Variants in DYRK1A observed in about 807,000 individuals in gnomAD.
DYRK1A encodes dual specificity tyrosine phosphorylation regulated kinase 1A.
Under a neutral mutation model 79.7 loss-of-function variants are expected in DYRK1A, and 9 were observed. That is an observed-to-expected ratio of 0.11 (90% CI 0.07 to 0.20). The LOEUF (loss-of-function observed/expected upper bound fraction) is 0.20, where lower values mean the gene tolerates loss of function less well. DYRK1A is among the 10% of genes least tolerant of loss of function. DYRK1A has a pLI of 1.00. For synonymous variants in DYRK1A, 349 were observed against 329.7 expected (o/e 1.06, Z -0.63); for missense variants, 622 against 956.0 (o/e 0.65, Z 4.61).
intron 11 of DYRK1A, 82 bp from the exon 12 acceptor site, chr21:37,511,829 T>G (rs1354158146): frequency 6.8e-7 from 1 of 1,464,278 alleles, no homozygotes; most frequent in Non-Finnish European, 9.3e-7. Context: ...GATGCTAGTT[T>G]GTTAGTGTCA....
At chr21:37,506,414 G>A in intron 11 of DYRK1A, 191 bp downstream of exon 11, 1 of 1,491,956 alleles carries the variant, frequency 6.7e-7, no homozygotes, top group Non-Finnish European at 9.0e-7. Flanking sequence ...GTCTAGAAGT[G>A]GCTAACACTT....
At chr21:37,400,260 T>A (rs2050028746) in intron 1 of DYRK1A, among the ~76,000 whole-genome samples, 1 of 152,216 alleles carries the variant, frequency 6.6e-6, no homozygotes, top group Admixed American at 6.5e-5. Flanking sequence ...GGGCCCACCT[T>A]GATGATGAAG....
intron 1 of DYRK1A, among the ~76,000 whole-genome samples, chr21:37,387,235 C>A (rs1054044094): frequency 6.6e-6 from 1 of 152,150 alleles, no homozygotes; most frequent in Non-Finnish European, 1.5e-5. Context: ...AAGGTCGATG[C>A]CTATTTAACA....
In DYRK1A at chr21:37,512,534, A is replaced by G. The variant is rs1289087946; in HGVS notation, c.*3A>G. ...AGAGTCCTGTAGCTAGCTCGTGACT[A>G]CATTGAAACTTGAGTTTGTTTCTTG... On this transcript the variant is annotated 3_prime_UTR_variant, in exon 12 of 12. Transcript: ENST00000647188. 6.2e-7 allele frequency: 1 copy of G among 1,604,066 alleles called. No homozygotes were observed. Among genetic ancestry groups the G allele is most frequent in the Non-Finnish European group, 8.5e-7 (1 of 1,172,784 alleles).
intron 2 of DYRK1A, among the ~76,000 whole-genome samples, chr21:37,469,805 T>C (rs188576976): frequency 6.6e-6 from 1 of 152,282 alleles, no homozygotes; most frequent in African/African-American, 2.4e-5. Flanking sequence ...TCCTCCAATA[T>C]TGGGGATTAC....
At chr21:37,499,169 A>G (rs981233492) in intron 9 of DYRK1A, among the ~76,000 whole-genome samples, 4 of 152,094 alleles carry the variant, frequency 2.6e-5, no homozygotes, top group Non-Finnish European at 4.4e-5. Flanking sequence ...TTATCCTGAA[A>G]AATCTTTGCC....
chr21:37,456,694 C>A (rs1169213463), intron 2 of DYRK1A, among the ~76,000 whole-genome samples: 1 of 152,162 alleles, frequency 6.6e-6, no homozygotes. Flanking sequence ...GGCGCGGGCC[C>A]ACCTACCTCT....
At chr21:37,491,115 T>C (rs539146694) in intron 7 of DYRK1A, among the ~76,000 whole-genome samples, 107 of 152,310 alleles carry the variant, frequency 7.0e-4, no homozygotes, top group African/African-American at 2.5e-3. Context: ...CCCACTCTTA[T>C]TTAAAATTTA....
rs570273711 is a variant in DYRK1A at position 37,509,969 on chromosome 21, G to A, written c.1645-1942G>A. Among the ~76,000 whole-genome samples the A allele has an allele frequency of 3.9e-5, 6 of 152,226 alleles. No individual in the cohort carries two copies. In the South Asian group the frequency reaches 8.3e-4, roughly 21 times the overall value. ...CACCCTGGGCATGACTCATCCCTTC[G>A]TCTAGCATGTCCACACAGTAGATAA... On this transcript the variant is annotated intron_variant, in intron 11 of 11. Coordinates refer to ENST00000647188, the MANE Select transcript of DYRK1A (RefSeq NM_001347721.2).
rs2053893914 is a variant in DYRK1A, at chr21:37,517,593, G to A, written c.*5062G>A. The A allele has an allele frequency of 6.6e-6, 1 of 152,212 alleles. No individual in the cohort carries two copies. The highest frequency in any genetic ancestry group is 2.1e-4 in the South Asian group (1 of 4,828). 9.4% of individuals were successfully genotyped at this position (152,212 alleles called of 1,614,324 possible). ...AGCCAAGGGCAAAATAAAGTGGCAGGCACTGGGTGTGTGTGGTAGTTCTGC... is the reference window on the plus strand; with the variant it reads ...AGCCAAGGGCAAAATAAAGTGGCAGACACTGGGTGTGTGTGGTAGTTCTGC... On this transcript the variant is annotated 3_prime_UTR_variant, in exon 12 of 12. Transcript: ENST00000647188.
At chr21:37,499,778 C>CTAA in intron 9 of DYRK1A, among the ~76,000 whole-genome samples, 1 of 152,280 alleles carries the variant, frequency 6.6e-6, no homozygotes, top group East Asian at 1.9e-4. Context: ...TAAGACCTTG[C>CTAA]TAAATTCACC....
chr21:37,514,633 C>T lies in DYRK1A; in HGVS notation c.*2102C>T, dbSNP rs1276896592. The T allele has an allele frequency of 3.9e-5, 6 of 152,494 alleles. No homozygotes were observed. Among genetic ancestry groups the T allele is most frequent in the African/African-American group, 1.4e-4 (6 of 41,392 alleles). 9.4% of individuals were successfully genotyped at this position (152,494 alleles called of 1,614,324 possible). ...TGGAAATACTCGTTTTTATAAACTA[C>T]AAAAACTTTTTGTTGTTTATCAGGA... On this transcript the variant is annotated 3_prime_UTR_variant, in exon 12 of 12. Transcript: ENST00000647188.
At chr21:37,369,091 G>C (rs1015632545) in intron 1 of DYRK1A, among the ~76,000 whole-genome samples, 6 of 152,152 alleles carry the variant, frequency 3.9e-5, no homozygotes, top group African/African-American at 1.2e-4. Flanking sequence ...TGAGTCATAA[G>C]AAAGTTTTGT....
At chr21:37,507,689 C>A (rs1374104476) in intron 11 of DYRK1A, among the ~76,000 whole-genome samples, 1 of 124,680 alleles carries the variant, frequency 8.0e-6, no homozygotes, top group African/African-American at 3.1e-5. Context: ...TTTGCCCTTT[C>A]CTTCACTGTC....
intron 2 of DYRK1A, among the ~76,000 whole-genome samples, chr21:37,421,214 G>A (rs1237975574): frequency 2.6e-5 from 4 of 152,066 alleles, no homozygotes; most frequent in African/African-American, 9.7e-5. Flanking sequence ...GTTTGAAAAT[G>A]TGATTGCTAA....
rs199611124 is a variant in DYRK1A at position 37,486,759 on chromosome 21, A to G, written c.637+145A>G. The G allele has an allele frequency of 3.6e-5, 27 of 749,944 alleles. No individual in the cohort carries two copies. The East Asian group carries it at 5.3e-4, about 15-fold the overall frequency. 46.5% of individuals were successfully genotyped at this position (749,944 alleles called of 1,614,324 possible). On this transcript the variant is annotated intron_variant, in intron 6 of 11. Transcript: ENST00000647188. Reference sequence around the variant, plus strand: ...ATTTCTGTTGGACAGCAAGATTTATATAAGTGACTTGATCTGGTAGTAATA... The same window carrying G: ...ATTTCTGTTGGACAGCAAGATTTATGTAAGTGACTTGATCTGGTAGTAATA...
intron 2 of DYRK1A, among the ~76,000 whole-genome samples, chr21:37,421,385 T>G (rs981333624): frequency 2.0e-5 from 3 of 152,146 alleles, no homozygotes; most frequent in Non-Finnish European, 4.4e-5. Flanking sequence ...AAAAATTGTT[T>G]CGGTGTACTA....
chr21:37,401,010 G>A (rs1373978941), intron 1 of DYRK1A, among the ~76,000 whole-genome samples: 2 of 152,028 alleles, frequency 1.3e-5, no homozygotes, highest in Non-Finnish European at 2.9e-5. Flanking sequence ...CAGGTGTGGT[G>A]GTGCACACTT....
intron 1 of DYRK1A, among the ~76,000 whole-genome samples, chr21:37,397,924 A>G (rs1284088790): frequency 6.6e-6 from 1 of 151,934 alleles, no homozygotes; most frequent in African/African-American, 2.4e-5. Flanking sequence ...TTGTATTTCA[A>G]ATTATTTCAT....
Sources: gnomAD v4.1 joint callset for allele counts (sites outside exome capture counted in the v4.1 genomes callset) on GRCh38, gnomAD v4.1.1 for gene constraint, MANE v1.5 for transcripts, NCBI Gene and HGNC (gene_info 2026-07-23, HGNC 2026-07-21) for gene names.